Variants in SERPINB13 observed in about 807,000 individuals in gnomAD.
SERPINB13 encodes the protein serpin family B member 13, also known as serpin B13.
In SERPINB13, 26 loss-of-function variants were observed where a neutral mutation model predicts 31.2. The ratio of observed to expected loss-of-function variants is 0.83; its 90% CI spans 0.61 to 1.15. The LOEUF is 1.15. Among genes scored for constraint, SERPINB13 ranks in the 50% most tolerant of loss-of-function variants. The probability of loss-of-function intolerance (pLI) is 0.00; values close to 1 mark genes in which losing one functional copy is unlikely to be tolerated. For missense variants in SERPINB13, 510 were observed against 469.4 expected (o/e 1.09, Z -0.80); for synonymous variants, 191 against 172.4 (o/e 1.11, Z -0.85).
In SERPINB13 at chr18:63,593,677, T is replaced by G. The variant is rs150206650; in HGVS notation, c.473-678T>G. ...GTTTCAGATTCCATTTTTATACCAA[T>G]TATCAGAGAGAACTTTGTTATTCAG... On this transcript the variant is annotated intron_variant, in intron 5 of 7. Coordinates refer to ENST00000344731, the MANE Select transcript of SERPINB13 (RefSeq NM_012397.4). 7.0e-3 allele frequency among the ~76,000 whole-genome samples: 1,066 copies of G among 151,304 alleles called. 4 individuals are homozygous for G. The highest frequency in any genetic ancestry group is 0.01 in the Non-Finnish European group (708 of 67,920).
Position 63,588,706 on chromosome 18 carries a change from T to G in SERPINB13, c.39T>G (p.Phe13Leu). 6.2e-7 allele frequency: 1 copy of G among 1,614,208 alleles called. No individual in the cohort carries two copies. The highest frequency in any genetic ancestry group is 8.5e-7 in the Non-Finnish European group (1 of 1,180,038). The change falls in exon 2 of 8, where the codon TTT (phenylalanine) becomes TTG (leucine). Residue 13 changes from phenylalanine to leucine, a missense_variant. Phe to Leu is a conservative substitution (Grantham distance 22). Transcript: ENST00000344731. ...GCGCCGTCAGCACTCGACTTGGGTT[T>G]GATCTTTTCAAAGAGCTGAAGAAAA... ...SLGAVSTRLGFDLFKELKKTN... is the reference protein window; with the variant it reads ...SLGAVSTRLGLDLFKELKKTN...
In SERPINB13 at chr18:63,597,536, C is replaced by G; in HGVS notation, c.*173C>G. The G allele has an allele frequency of 1.5e-6, 1 of 678,598 alleles. No homozygotes were observed. Among genetic ancestry groups the G allele is most frequent in the Non-Finnish European group, 2.4e-6 (1 of 417,436 alleles). The allele number at this position is 678,598 out of a possible 1,614,324, so 42.0% of individuals were successfully genotyped here. On this transcript the variant is annotated 3_prime_UTR_variant, in exon 8 of 8. Transcript: ENST00000344731. ...TAATGTGTGTGTTTATAACCATCCT[C>G]GAAAGTGAAATGTCCTTTTCTTTGT... is the stretch of plus-strand genomic sequence containing the variant.
At chr18:63,596,655 C>T (rs1156570098) in intron 7 of SERPINB13, among the ~76,000 whole-genome samples, 1 of 152,054 alleles carries the variant, frequency 6.6e-6, no homozygotes, top group East Asian at 1.9e-4. Context: ...AATATATATG[C>T]ATTCAAAGAC....
rs1433580244 is a variant in SERPINB13, at chr18:63,598,084, TC to T, written c.*724del. 6.6e-6 allele frequency: 1 copy of T among 151,718 alleles called. No individual in the cohort carries two copies. Among genetic ancestry groups the T allele is most frequent in the Non-Finnish European group, 1.5e-5 (1 of 67,960 alleles). 9.4% of individuals were successfully genotyped at this position (151,718 alleles called of 1,614,324 possible). A position where few individuals can be genotyped will look rare whatever the true frequency, so the allele number is the denominator to read the frequency against. ...ATTTGGACTAACTTTTAGAAAAGTT[TC>T]CCTTTTTTTCTCCATTTACATTTTT... On this transcript the variant is annotated 3_prime_UTR_variant, in exon 8 of 8. Coordinates refer to ENST00000344731, the MANE Select transcript of SERPINB13 (RefSeq NM_012397.4).
rs1312326183 is a variant in SERPINB13 at position 63,598,635 on chromosome 18, C to G, written c.*1272C>G. The stretch of plus-strand genomic sequence containing the variant: ...ATACTATTCCATTGCATGGAAAAGA[C>G]CTATTTTATTTCTAGGTTCACCAGT... On this transcript the variant is annotated 3_prime_UTR_variant, in exon 8 of 8. Coordinates refer to ENST00000344731, the MANE Select transcript of SERPINB13 (RefSeq NM_012397.4). 6.6e-6 allele frequency: 1 copy of G among 152,100 alleles called. No individual in the cohort carries two copies. Among genetic ancestry groups the G allele is most frequent in the Non-Finnish European group, 1.5e-5 (1 of 68,004 alleles). 9.4% of individuals were successfully genotyped at this position (152,100 alleles called of 1,614,324 possible). A position where few individuals can be genotyped will look rare whatever the true frequency, so the allele number is the denominator to read the frequency against.
intron 2 of SERPINB13, 81 bp downstream of exon 2, chr18:63,588,913 C>G: frequency 7.1e-7 from 1 of 1,399,428 alleles, no homozygotes; most frequent in African/African-American, 1.4e-5. Flanking sequence ...CTTGCATTAT[C>G]TTAAAAATAC....
chr18:63,594,890 A>G (rs1182189498), intron 6 of SERPINB13, 139 bp from the exon 7 acceptor site: 1 of 774,532 alleles, frequency 1.3e-6, no homozygotes, highest in African/African-American at 1.8e-5. Context: ...ATACTGGTAG[A>G]TAGTGGATGC....
At chr18:63,595,856 G>C (rs988792468) in intron 7 of SERPINB13, among the ~76,000 whole-genome samples, 4 of 151,816 alleles carry the variant, frequency 2.6e-5, no homozygotes, top group Non-Finnish European at 4.4e-5. Context: ...CCGAGATAGC[G>C]CCACTGCACT....
At position 63,597,463 on chromosome 18, in the gene SERPINB13, C is replaced by A; in HGVS notation, c.*100C>A. The A allele has an allele frequency of 7.9e-7, 1 of 1,258,816 alleles. No homozygotes were observed. Among genetic ancestry groups the A allele is most frequent in the Non-Finnish European group, 1.1e-6 (1 of 909,804 alleles). 78.0% of individuals were successfully genotyped at this position (1,258,816 alleles called of 1,614,324 possible). On this transcript the variant is annotated 3_prime_UTR_variant, in exon 8 of 8. Coordinates refer to ENST00000344731, the MANE Select transcript of SERPINB13 (RefSeq NM_012397.4). Reference sequence around the variant, plus strand: ...GTCCATTCTTTTAAATGTTGTCTCACTTGCATTTCCAGTCTTGGCCATCAA... The same window carrying A: ...GTCCATTCTTTTAAATGTTGTCTCAATTGCATTTCCAGTCTTGGCCATCAA...
At chr18:63,588,889 G>GTT in intron 2 of SERPINB13, 57 bp downstream of exon 2, 1 of 1,556,624 alleles carries the variant, frequency 6.4e-7, no homozygotes, top group Non-Finnish European at 8.7e-7. Context: ...TTTGGCGGGG[G>GTT]GGTTGTCAGC....
chr18:63,597,053 A>T lies in SERPINB13; in HGVS notation c.866A>T (p.Glu289Val). ...GTGAATCTGCACTTGCCCCGGTTTG[A>T]GGTGGAGGACGGTTACGATCTAGAG... ...RKVNLHLPRF[E>V]VEDGYDLEAV... is the part of the protein sequence containing the mutation. The change falls in exon 8 of 8, where the codon GAG becomes GTG. Residue 289 changes from glutamate (E) to valine (V), a missense_variant. Coordinates refer to ENST00000344731, the MANE Select transcript of SERPINB13 (RefSeq NM_012397.4). The T allele has an allele frequency of 6.2e-7, 1 of 1,614,168 alleles. No individual in the cohort carries two copies. The highest frequency in any genetic ancestry group is 1.1e-5 in the South Asian group (1 of 91,076).
At chr18:63,589,916 A>G (rs1472637086) in intron 3 of SERPINB13, 3 of 1,101,384 alleles carry the variant, frequency 2.7e-6, no homozygotes, top group South Asian at 1.8e-5. Flanking sequence ...ACCCCTTAAT[A>G]TTGAGAAGAG....
At chr18:63,594,126 C>G (rs1162143771) in intron 5 of SERPINB13, 1 of 1,436,980 alleles carries the variant, frequency 7.0e-7, no homozygotes, top group Non-Finnish European at 9.3e-7. Flanking sequence ...ACCCCAGAGT[C>G]TGGACTCTTA....
chr18:63,588,953 G>T, intron 2 of SERPINB13, 121 bp downstream of exon 2: 1 of 1,110,428 alleles, frequency 9.0e-7, no homozygotes, highest in Non-Finnish European at 1.2e-6. Context: ...CCAGGAAACA[G>T]AGACTTTCAA....
chr18:63,588,927 C>A (rs981685913), intron 2 of SERPINB13, 95 bp downstream of exon 2: 2 of 1,282,156 alleles, frequency 1.6e-6, no homozygotes, highest in Non-Finnish European at 2.1e-6. Flanking sequence ...AAAATACGCT[C>A]TTCTTGACCT....
chr18:63,595,325 G>T, intron 7 of SERPINB13, 141 bp downstream of exon 7: 1 of 794,712 alleles, frequency 1.3e-6, no homozygotes. Context: ...ATGTCTACTG[G>T]GGAGCATTAA....
rs1475588614 is a variant in SERPINB13, at chr18:63,598,589, A to T, written c.*1226A>T. 1 of 152,190 alleles carries T rather than the reference A, an allele frequency of 6.6e-6. No homozygotes were observed. The highest frequency in any genetic ancestry group is 1.5e-5 in the Non-Finnish European group (1 of 68,026). The allele number at this position is 152,190 out of a possible 1,614,324, so 9.4% of individuals were successfully genotyped here. A position where few individuals can be genotyped will look rare whatever the true frequency, so the allele number is the denominator to read the frequency against. ...TTCATCTGTTGTAGTATGTATTGAT[A>T]CTTAATTTTTTTATTGCCGAATACT... On this transcript the variant is annotated 3_prime_UTR_variant, in exon 8 of 8. Coordinates refer to ENST00000344731, the MANE Select transcript of SERPINB13 (RefSeq NM_012397.4).
In SERPINB13 at chr18:63,595,161, A is replaced by G. The variant is rs1912092461; in HGVS notation, c.748A>G (p.Asn250Asp). 1.9e-6 allele frequency: 3 copies of G among 1,613,290 alleles called. No individual in the cohort carries two copies. Among genetic ancestry groups the G allele is most frequent in the Non-Finnish European group, 2.5e-6 (3 of 1,179,774 alleles). ...NDLSMFVLLP[N>D]DIDGLEKIID... ...CCTAAGCATGTTTGTGCTTCTGCCC[A>G]ACGACATCGATGGCCTGGAGAAGGT... The change falls in exon 7 of 8, where the codon AAC becomes GAC. Residue 250 changes from asparagine (N) to aspartate (D), a missense_variant. Transcript: ENST00000344731.
Position 63,597,534 on chromosome 18 carries a change from C to T in SERPINB13, c.*171C>T. Reference sequence around the variant, plus strand: ...AATAATGTGTGTGTTTATAACCATCCTCGAAAGTGAAATGTCCTTTTCTTT... The same window carrying T: ...AATAATGTGTGTGTTTATAACCATCTTCGAAAGTGAAATGTCCTTTTCTTT... On this transcript the variant is annotated 3_prime_UTR_variant, in exon 8 of 8. Coordinates refer to ENST00000344731, the MANE Select transcript of SERPINB13 (RefSeq NM_012397.4). The T allele has an allele frequency of 1.4e-6, 1 of 689,668 alleles. No homozygotes were observed. The highest frequency in any genetic ancestry group is 2.3e-6 in the Non-Finnish European group (1 of 425,850). The allele number at this position is 689,668 out of a possible 1,614,324, so 42.7% of individuals were successfully genotyped here.
Sources: gnomAD v4.1 joint callset for allele counts (sites outside exome capture counted in the v4.1 genomes callset) on GRCh38, gnomAD v4.1.1 for gene constraint, MANE v1.5 for transcripts, NCBI Gene and HGNC (gene_info 2026-07-23, HGNC 2026-07-21) for gene names.